DOCK8: variants seen among roughly 807,000 people sequenced by gnomAD.
DOCK8 encodes dedicator of cytokinesis 8.
A neutral mutation model predicts 245.6 loss-of-function variants in DOCK8; 141 were observed. The ratio of observed to expected loss-of-function variants is 0.57; its 90% CI spans 0.50 to 0.66. The LOEUF is 0.66. Ranked by LOEUF, DOCK8 falls within the 30% of genes least tolerant of loss-of-function variation. The pLI, the probability that DOCK8 is intolerant of heterozygous loss-of-function variation, is 0.00. For synonymous variants in DOCK8, 1,168 were observed against 970.2 expected, an observed-to-expected ratio of 1.20 and a Z score of -3.79; for missense variants, 2,965 against 2,603.4, an observed-to-expected ratio of 1.14 and a Z score of -3.02.
intron 36 of DOCK8, 55 bp downstream of exon 36, chr9:429,909 A>G: frequency 6.2e-7 from 1 of 1,603,164 alleles, no homozygotes; most frequent in Non-Finnish European, 8.5e-7. Context: ...AATTGATGTA[A>G]AGCATCAGCT....
chr9:416,714 T>A (rs2056030703), intron 29 of DOCK8, among the ~76,000 whole-genome samples: 1 of 152,246 alleles, frequency 6.6e-6, no homozygotes, highest in Non-Finnish European at 1.5e-5. Context: ...GCTCAACCTT[T>A]CCGTGCCTTC....
chr9:258,139 G>A (rs1587676244), intron 1 of DOCK8, among the ~76,000 whole-genome samples: 2 of 152,198 alleles, frequency 1.3e-5, no homozygotes, highest in African/African-American at 2.4e-5. Context: ...GAAGGAGGAA[G>A]TTAGGACTGC....
intron 24 of DOCK8, among the ~76,000 whole-genome samples, chr9:391,557 A>G (rs1333042595): frequency 1.3e-5 from 2 of 152,218 alleles, no homozygotes; most frequent in Non-Finnish European, 2.9e-5. Context: ...AAGGGGAATA[A>G]TAGTGATAAC....
At chr9:390,616 C>T in intron 24 of DOCK8, 50 bp downstream of exon 24, 4 of 1,558,198 alleles carry the variant, frequency 2.6e-6, no homozygotes, top group Non-Finnish European at 3.5e-6. Flanking sequence ...AAGAGAAGCA[C>T]ACAGCAGAAA....
chr9:211,898 C>T (rs1268241363), upstream of DOCK8, among the ~76,000 whole-genome samples: 2 of 152,092 alleles, frequency 1.3e-5, no homozygotes, highest in Non-Finnish European at 2.9e-5. Context: ...ACCGACCCCC[C>T]AAAAAATGTG....
At chr9:278,618 G>C (rs533334062) in intron 2 of DOCK8, among the ~76,000 whole-genome samples, 7 of 152,314 alleles carry the variant, frequency 4.6e-5, no homozygotes, top group African/African-American at 1.7e-4. Flanking sequence ...CATCCGTGAA[G>C]GCCTCTATCT....
At chr9:408,096 G>A (rs10758548) in intron 28 of DOCK8, among the ~76,000 whole-genome samples, 59,912 of 152,040 alleles carry the variant, frequency 0.39, 12,044 homozygotes, top group East Asian at 0.52. Flanking sequence ...ATGCTAAAGA[G>A]GTTTCCAGAA....
Position 271,710 on chromosome 9 carries a change from G to A in DOCK8, c.137G>A (p.Gly46Asp), listed in dbSNP as rs758437810. ...QYHRQSISTS[G>D]FPSLQLPQFY... is the part of the protein sequence containing the mutation. ...CATCGACAGAGCATAAGTACCTCTG[G>A]CTTCCCCTCTCTTCAACTAGTAAGT... Residue 46 changes from glycine (G) to aspartate (D), a missense_variant, in exon 2 of 48, where the codon GGC (glycine) becomes GAC (aspartate). Gly to Asp is a moderately conservative substitution (Grantham distance 94). Coordinates refer to ENST00000432829, the MANE Select transcript of DOCK8 (RefSeq NM_203447.4). 4 of 1,551,290 alleles carry A rather than the reference G, an allele frequency of 2.6e-6. No individual in the cohort carries two copies. The highest frequency in any genetic ancestry group is 3.9e-5 in the Admixed American group (2 of 50,896).
At chr9:239,742 T>G (rs1474333394) in intron 1 of DOCK8, among the ~76,000 whole-genome samples, 3 of 152,172 alleles carry the variant, frequency 2.0e-5, no homozygotes, top group Non-Finnish European at 2.9e-5. Flanking sequence ...TTGATTGATA[T>G]TTTTTCAGAT....
In DOCK8 at chr9:314,678, G is replaced by A. The variant is rs574255364; in HGVS notation, c.742-2365G>A. Among the ~76,000 whole-genome samples the A allele has an allele frequency of 9.2e-5, 14 of 152,282 alleles. No homozygotes were observed. The South Asian group carries it at 2.9e-3, about 32-fold the overall frequency. ...ACCAGCCCTTTAATATTTTGAAGCT[G>A]TTGTCACAGAAATTGCATTTGTATT... On this transcript the variant is annotated intron_variant, in intron 6 of 47. Transcript: ENST00000432829.
At chr9:232,067 C>G (rs977540891) in intron 1 of DOCK8, among the ~76,000 whole-genome samples, 14 of 152,090 alleles carry the variant, frequency 9.2e-5, no homozygotes, top group Non-Finnish European at 2.1e-4. Flanking sequence ...TGAGATATGT[C>G]CCATCAATAC....
At chr9:223,760 G>A (rs1315731687) in intron 1 of DOCK8, among the ~76,000 whole-genome samples, 1 of 149,204 alleles carries the variant, frequency 6.7e-6, no homozygotes, top group Non-Finnish European at 1.5e-5. Context: ...TGTCACTTTT[G>A]CTTTAGTTGT....
intron 2 of DOCK8, chr9:284,297 T>G (rs1447446893): frequency 6.6e-6 from 1 of 152,316 alleles, no homozygotes; most frequent in African/African-American, 2.4e-5. Flanking sequence ...TAATGCAAAC[T>G]TAGTCCTCAT....
At chr9:376,472 G>A (rs920994218) in intron 19 of DOCK8, among the ~76,000 whole-genome samples, 167 bp downstream of exon 19, 3 of 152,174 alleles carry the variant, frequency 2.0e-5, no homozygotes, top group Admixed American at 6.5e-5. Context: ...TTTGTCATTG[G>A]AATAGAAAGA....
At chr9:408,156 T>C (rs2055528129) in intron 28 of DOCK8, among the ~76,000 whole-genome samples, 1 of 152,226 alleles carries the variant, frequency 6.6e-6, no homozygotes, top group South Asian at 2.1e-4. Context: ...GGATGGATTT[T>C]TATCTAAATG....
chr9:382,662 G>A lies in DOCK8; in HGVS notation c.2755G>A (p.Val919Met). The A allele has an allele frequency of 6.2e-7, 1 of 1,614,196 alleles. No homozygotes were observed. Among genetic ancestry groups the A allele is most frequent in the South Asian group, 1.1e-5 (1 of 91,074 alleles). The change falls in exon 22 of 48, where the codon GTG becomes ATG. Residue 919 changes from valine (V) to methionine (M), a missense_variant. Physicochemically the swap from Val to Met is conservative, Grantham distance 21. Around this residue, in one of 3 missense-constraint regions of DOCK8, gnomAD observed 2,825 missense variants for 2,453.5 expected, o/e 1.15. Transcript: ENST00000432829. ...AGTHSAADEE[V>M]KNIMSSKIAD... ...GACACACTCCGCAGCAGACGAGGAA[G>A]TGAAGAACATCATGTCTTCAAAGGT... is the stretch of plus-strand genomic sequence containing the variant.
intron 21 of DOCK8, chr9:381,147 G>C (rs539448379): frequency 1.3e-5 from 2 of 152,040 alleles, no homozygotes; most frequent in African/African-American, 4.8e-5. Context: ...TTCCATTTTC[G>C]TTTTCAGGAC....
At chr9:407,179 C>G in intron 28 of DOCK8, 110 bp downstream of exon 28, 1 of 1,507,708 alleles carries the variant, frequency 6.6e-7, no homozygotes, top group East Asian at 2.4e-5. Flanking sequence ...CTGTAGTTGA[C>G]CAGTTCTGAG....
At chr9:433,686 G>C (rs2056796167) in intron 37 of DOCK8, among the ~76,000 whole-genome samples, 189 bp from the exon 38 acceptor site, 1 of 152,146 alleles carries the variant, frequency 6.6e-6, no homozygotes, top group Non-Finnish European at 1.5e-5. Context: ...ACACATCCAG[G>C]TCTCATAAAC....
Sources: allele counts gnomAD v4.1 joint callset (sites outside exome capture counted in the v4.1 genomes callset), GRCh38; gene constraint gnomAD v4.1.1; regional missense constraint gnomAD v4.1.1; transcripts MANE v1.5; gene names NCBI Gene and HGNC (gene_info 2026-07-23, HGNC 2026-07-21).